Variants in CAMK1D observed in about 807,000 individuals in gnomAD.
CAMK1D encodes the protein calcium/calmodulin dependent protein kinase ID.
CAMK1D carries 9 observed loss-of-function variants against 47.7 expected under a neutral mutation model. That is an observed-to-expected ratio of 0.19 (90% CI 0.11 to 0.33). The LOEUF is 0.33. Among genes scored for constraint, CAMK1D ranks in the 10% least tolerant of loss-of-function variants. The probability of loss-of-function intolerance (pLI) is 1.00; values close to 1 mark genes in which losing one functional copy is unlikely to be tolerated. For synonymous variants in CAMK1D, 184 were observed against 184.9 expected (o/e 0.99, Z 0.04); for missense variants, 291 against 488.7 (o/e 0.60, Z 3.81).
chr10:12,805,677 C>T (rs73576076), intron 6 of CAMK1D, among the ~76,000 whole-genome samples: 5,713 of 152,168 alleles, frequency 0.038, 183 homozygotes, highest in Middle Eastern at 0.088. Flanking sequence ...GCCAATAGGC[C>T]GATATCTTTA....
intron 1 of CAMK1D, among the ~76,000 whole-genome samples, chr10:12,522,553 C>G (rs1427901114): frequency 1.3e-5 from 2 of 152,218 alleles, no homozygotes; most frequent in East Asian, 3.9e-4. Context: ...GCAGAAGAAT[C>G]TTTCTTAGTA....
intron 2 of CAMK1D, among the ~76,000 whole-genome samples, chr10:12,659,562 T>C (rs1179255452): frequency 2.0e-5 from 3 of 152,168 alleles, no homozygotes; most frequent in African/African-American, 7.2e-5. Context: ...ACTGACAATA[T>C]CCCAATTTTC....
In CAMK1D at chr10:12,557,445, G is replaced by A. The variant is rs1193666175; in HGVS notation, c.224+4089G>A. On this transcript the variant is annotated intron_variant, in intron 2 of 10. Coordinates refer to ENST00000619168, the MANE Select transcript of CAMK1D (RefSeq NM_153498.4). The stretch of plus-strand genomic sequence containing the variant: ...TGGGCGCCTGTAGTCCCAGCTACTC[G>A]GGAGACTGAGGCAGGAGAATGGTGT... Among the ~76,000 whole-genome samples, 6 of 151,604 alleles carry A rather than the reference G, an allele frequency of 4.0e-5. No homozygotes were observed. In the East Asian group the frequency reaches 5.8e-4, roughly 15 times the overall value.
chr10:12,584,382 A>G lies in CAMK1D; in HGVS notation c.224+31026A>G, dbSNP rs140765762. 2.7e-4 allele frequency among the ~76,000 whole-genome samples: 41 copies of G among 152,356 alleles called. No homozygotes were observed. The East Asian group carries it at 7.7e-3, about 29-fold the overall frequency. Reference sequence around the variant, plus strand: ...AGGAGAGATAATGACCATGCTGGTGATGATGGTGATAATGGTCATAGCATA... The same window carrying G: ...AGGAGAGATAATGACCATGCTGGTGGTGATGGTGATAATGGTCATAGCATA... On this transcript the variant is annotated intron_variant, in intron 2 of 10. Transcript: ENST00000619168.
chr10:12,547,155 A>G (rs1836403888), intron 1 of CAMK1D, among the ~76,000 whole-genome samples: 1 of 152,190 alleles, frequency 6.6e-6, no homozygotes, highest in Non-Finnish European at 1.5e-5. Context: ...ATGGACATAA[A>G]GGCAGAAGGA....
chr10:12,733,902 C>T (rs1053638996), intron 3 of CAMK1D, among the ~76,000 whole-genome samples: 8 of 151,956 alleles, frequency 5.3e-5, no homozygotes, highest in Non-Finnish European at 7.4e-5. Context: ...ATTATTTAAC[C>T]GTTCTTGAAG....
At chr10:12,391,976 AACACACACACACACACACACACACACAC>A (rs10659393) in intron 1 of CAMK1D, among the ~76,000 whole-genome samples, 2 of 143,252 alleles carry the variant, frequency 1.4e-5, no homozygotes, top group East Asian at 2.1e-4. Context: ...CTTGTCTTAA[AACACACACACACACACACACACACACAC>A]ACACACACAC....
intron 3 of CAMK1D, among the ~76,000 whole-genome samples, chr10:12,752,691 A>G (rs1032770400): frequency 6.6e-6 from 1 of 152,224 alleles, no homozygotes. Context: ...GGTCCTATCA[A>G]TTTGTCTTCA....
chr10:12,670,319 C>A (rs1469026834), intron 3 of CAMK1D, among the ~76,000 whole-genome samples: 3 of 151,934 alleles, frequency 2.0e-5, no homozygotes, highest in Non-Finnish European at 4.4e-5. Context: ...ACTTGTATAT[C>A]TTCTTTTATG....
chr10:12,737,503 C>T (rs12255628), intron 3 of CAMK1D, among the ~76,000 whole-genome samples: 2,980 of 152,218 alleles, frequency 0.02, 98 homozygotes, highest in African/African-American at 0.068. Context: ...CTCTTTCCTC[C>T]GAGCTTTGGA....
intron 1 of CAMK1D, among the ~76,000 whole-genome samples, chr10:12,538,941 C>T (rs1468836546): frequency 8.0e-5 from 12 of 149,898 alleles, no homozygotes; most frequent in Admixed American, 6.6e-4. Context: ...ATGGGAGAAT[C>T]GAGACAAGAG....
intron 2 of CAMK1D, among the ~76,000 whole-genome samples, chr10:12,580,338 C>CTTTCTT (rs1837624675): frequency 8.3e-6 from 1 of 120,696 alleles, no homozygotes; most frequent in African/African-American, 3.2e-5. Flanking sequence ...CCCTTCCTTC[C>CTTTCTT]TTTTTTTTTT....
At chr10:12,478,446 C>T (rs1833967518) in intron 1 of CAMK1D, among the ~76,000 whole-genome samples, 1 of 152,112 alleles carries the variant, frequency 6.6e-6, no homozygotes, top group African/African-American at 2.4e-5. Context: ...GGACTACAGA[C>T]ATGTACCACC....
At chr10:12,756,961 G>A (rs965645712) in intron 3 of CAMK1D, among the ~76,000 whole-genome samples, 1 of 152,144 alleles carries the variant, frequency 6.6e-6, no homozygotes, top group African/African-American at 2.4e-5. Context: ...CAAGTTCAGT[G>A]CAGAGGCAGG....
At chr10:12,496,724 T>C (rs1164501197) in intron 1 of CAMK1D, among the ~76,000 whole-genome samples, 1 of 152,226 alleles carries the variant, frequency 6.6e-6, no homozygotes, top group Non-Finnish European at 1.5e-5. Flanking sequence ...TATTTATTCA[T>C]TTAAATTGTA....
Position 12,619,533 on chromosome 10 carries a change from C to T in CAMK1D, c.225-47203C>T, listed in dbSNP as rs1356523953. On this transcript the variant is annotated intron_variant, in intron 2 of 10. Transcript: ENST00000619168. ...GAATTGCTGGCCTCAAGTGATCCTC[C>T]TGCTTCAGCCTCCCAAAGTGTTGGG... Among the ~76,000 whole-genome samples the T allele has an allele frequency of 2.6e-5, 4 of 152,138 alleles. No individual in the cohort carries two copies. The South Asian group carries it at 8.3e-4, about 32-fold the overall frequency.
chr10:12,679,865 CA>C (rs1009703205), intron 3 of CAMK1D, among the ~76,000 whole-genome samples: 2 of 152,192 alleles, frequency 1.3e-5, no homozygotes, highest in Non-Finnish European at 2.9e-5. Flanking sequence ...ATCCTCTCCT[CA>C]AGGGTGTCTG....
At chr10:12,762,999 G>T (rs114012757) in intron 4 of CAMK1D, among the ~76,000 whole-genome samples, 1 of 152,174 alleles carries the variant, frequency 6.6e-6, no homozygotes, top group Non-Finnish European at 1.5e-5. Context: ...AGCAAATAAG[G>T]CATATCCAGG....
chr10:12,653,345 A>C (rs1358575780), intron 2 of CAMK1D: 1 of 152,532 alleles, frequency 6.6e-6, no homozygotes. Context: ...ACAAATATTC[A>C]TACCATAGCA....
Sources: allele counts gnomAD v4.1 joint callset (sites outside exome capture counted in the v4.1 genomes callset), GRCh38; gene constraint gnomAD v4.1.1; transcripts MANE v1.5; gene names NCBI Gene and HGNC (gene_info 2026-07-23, HGNC 2026-07-21).